The following PDE5A variants were observed in gnomAD, a reference collection of about 807,000 sequenced individuals.
The protein encoded by PDE5A is phosphodiesterase 5A, also known as cGMP-specific 3',5'-cyclic phosphodiesterase.
In PDE5A, 67 loss-of-function variants were observed where a neutral mutation model predicts 110.2. That is an observed-to-expected ratio of 0.61 (90% CI 0.50 to 0.75). PDE5A has a LOEUF of 0.75. PDE5A is among the 30% of genes least tolerant of loss of function. The pLI is 0.00. For missense variants in PDE5A, 862 were observed against 1,045.1 expected (o/e 0.82, Z 2.42); for synonymous variants, 328 against 351.2 (o/e 0.93, Z 0.74).
chr4:119,577,851 A>T (rs1383772791), intron 3 of PDE5A, among the ~76,000 whole-genome samples: 4 of 152,324 alleles, frequency 2.6e-5, no homozygotes, highest in African/African-American at 9.6e-5. Context: ...ATCAGGCAGG[A>T]GAAGGAAATA....
Position 119,627,235 on chromosome 4 carries a change from A to G in PDE5A, c.152+1285T>C. On this transcript the variant is annotated intron_variant, in intron 1 of 20. Transcript: ENST00000354960. The surrounding 1 kb of genome is among the most constrained non-coding windows in gnomAD (Gnocchi z 4.6). ...GATCCTGGACTCCAGGAGGCTCCGTAGGGGCAACAACGCGCGCAGGTGAGG... is the reference window on the plus strand; with the variant it reads ...GATCCTGGACTCCAGGAGGCTCCGTGGGGGCAACAACGCGCGCAGGTGAGG... 6.2e-7 allele frequency: 1 copy of G among 1,607,858 alleles called. No homozygotes were observed. The highest frequency in any genetic ancestry group is 1.1e-5 in the South Asian group (1 of 90,252).
Position 119,498,002 on chromosome 4 carries a change from T to A in PDE5A, c.*599A>T, listed in dbSNP as rs1390130759. 1.3e-5 allele frequency: 2 copies of A among 152,368 alleles called. No individual in the cohort carries two copies. Among genetic ancestry groups the A allele is most frequent in the African/African-American group, 4.8e-5 (2 of 41,594 alleles). 9.4% of individuals were successfully genotyped at this position (152,368 alleles called of 1,614,324 possible). A position where few individuals can be genotyped will look rare whatever the true frequency, so the allele number is the denominator to read the frequency against. ...TTGCCTGTTCTCTCACAAAACAGCA[T>A]ATCAATTAAATAATGTTTTCTTTAC... On this transcript the variant is annotated 3_prime_UTR_variant, in exon 21 of 21. Coordinates refer to ENST00000354960, the MANE Select transcript of PDE5A (RefSeq NM_001083.4).
intron 1 of PDE5A, among the ~76,000 whole-genome samples, chr4:119,624,881 G>C (rs1331332823): frequency 6.6e-6 from 1 of 152,186 alleles, no homozygotes; most frequent in East Asian, 1.9e-4. Context: ...AGTGACCTGG[G>C]AGTTTTCCAG....
At chr4:119,598,284 A>G (rs1291570351) in intron 2 of PDE5A, among the ~76,000 whole-genome samples, 2 of 152,180 alleles carry the variant, frequency 1.3e-5, no homozygotes, top group Non-Finnish European at 2.9e-5. Flanking sequence ...TTAGTTTAAA[A>G]TCAACAGCAG....
intron 2 of PDE5A, among the ~76,000 whole-genome samples, chr4:119,606,021 T>C (rs1003099293): frequency 2.6e-5 from 4 of 152,208 alleles, no homozygotes; most frequent in Admixed American, 2.0e-4. Flanking sequence ...AAAATTCCAT[T>C]AATAAAAAGG....
intron 3 of PDE5A, among the ~76,000 whole-genome samples, chr4:119,588,170 C>CTTT (rs11297755): frequency 5.4e-5 from 7 of 129,068 alleles, no homozygotes; most frequent in African/African-American, 8.5e-5. Flanking sequence ...CCAATTTTTT[C>CTTT]TTTTTTTTTT....
intron 1 of PDE5A, among the ~76,000 whole-genome samples, chr4:119,621,689 G>T (rs891871633): frequency 2.0e-5 from 3 of 152,146 alleles, no homozygotes; most frequent in Admixed American, 2.0e-4. Context: ...GAGACAGACA[G>T]AATTTTGGCA....
chr4:119,510,469 C>G (rs997702164), intron 15 of PDE5A, among the ~76,000 whole-genome samples: 14 of 151,958 alleles, frequency 9.2e-5, no homozygotes, highest in African/African-American at 3.4e-4. Context: ...ACCATCCCCC[C>G]CAAACAAAGA....
intron 3 of PDE5A, among the ~76,000 whole-genome samples, chr4:119,576,345 C>T (rs1728344415): frequency 6.6e-6 from 1 of 152,184 alleles, no homozygotes; most frequent in Admixed American, 6.5e-5. Context: ...ACCTAATAGA[C>T]ATCTACAGAA....
At chr4:119,551,718 G>A (rs1193902858) in intron 9 of PDE5A, among the ~76,000 whole-genome samples, 1 of 151,924 alleles carries the variant, frequency 6.6e-6, no homozygotes, top group Admixed American at 6.6e-5. Flanking sequence ...TATACCCTCT[G>A]CCCCTTCTTT....
chr4:119,554,382 C>G (rs1237847444), intron 7 of PDE5A, among the ~76,000 whole-genome samples: 1 of 151,966 alleles, frequency 6.6e-6, no homozygotes, highest in Admixed American at 6.6e-5. Flanking sequence ...TATGAACTTA[C>G]AATATTTTTA....
chr4:119,550,615 C>T (rs1727315505), intron 9 of PDE5A, among the ~76,000 whole-genome samples: 1 of 152,194 alleles, frequency 6.6e-6, no homozygotes, highest in Admixed American at 6.5e-5. Flanking sequence ...TCCCCGTTCC[C>T]AGTTATTATT....
chr4:119,518,478 G>A (rs1460350948), intron 14 of PDE5A, among the ~76,000 whole-genome samples: 1 of 152,178 alleles, frequency 6.6e-6, no homozygotes, highest in African/African-American at 2.4e-5. Flanking sequence ...TCTAGCATCT[G>A]CTTCTAATAT....
chr4:119,539,345 G>GTTT (rs200294926), intron 10 of PDE5A, among the ~76,000 whole-genome samples: 1 of 140,834 alleles, frequency 7.1e-6, no homozygotes, highest in East Asian at 2.0e-4. Flanking sequence ...AATTTATTTT[G>GTTT]TTTTTTTTTT....
intron 9 of PDE5A, among the ~76,000 whole-genome samples, chr4:119,545,749 C>T (rs1012542896): frequency 1.3e-5 from 2 of 152,302 alleles, no homozygotes; most frequent in Non-Finnish European, 2.9e-5. Flanking sequence ...CAGTCTTCCT[C>T]CTGGCTCTTT....
chr4:119,606,722 T>C lies in PDE5A; in HGVS notation c.728A>G (p.Lys243Arg), dbSNP rs202070622. The C allele has an allele frequency of 3.1e-6, 5 of 1,613,696 alleles. No individual in the cohort carries two copies. In the Admixed American group the frequency reaches 6.7e-5, roughly 22 times the overall value. ...TCCCCTGTTTACCTCATATGCATCTTTGATGTTCAAGGGCTCACCAAGCGC... is the reference window on the plus strand; with the variant it reads ...TCCCCTGTTTACCTCATATGCATCTCTGATGTTCAAGGGCTCACCAAGCGC... ...VAALGEPLNI[K>R]DAYEDPRFNA... The change falls in exon 2 of 21, where the codon AAA becomes AGA. Residue 243 changes from lysine (K) to arginine (R), a missense_variant. By Grantham distance (26) the Lys-to-Arg change is conservative. Coordinates refer to ENST00000354960, the MANE Select transcript of PDE5A (RefSeq NM_001083.4).
intron 3 of PDE5A, among the ~76,000 whole-genome samples, chr4:119,587,415 C>T (rs1474514364): frequency 4.0e-5 from 6 of 148,702 alleles, no homozygotes; most frequent in Non-Finnish European, 8.9e-5. Context: ...CTCGCTCTGT[C>T]GCCCAGGCCG....
chr4:119,585,916 C>A (rs552159981), intron 3 of PDE5A, among the ~76,000 whole-genome samples: 1 of 152,208 alleles, frequency 6.6e-6, no homozygotes, highest in South Asian at 2.1e-4. Context: ...ATGAAGAGCC[C>A]ACATGGTGAG....
At chr4:119,551,225 A>G (rs530736716) in intron 9 of PDE5A, among the ~76,000 whole-genome samples, 1 of 152,214 alleles carries the variant, frequency 6.6e-6, no homozygotes, top group Non-Finnish European at 1.5e-5. Flanking sequence ...GATCTGTCCC[A>G]GAAACAGAAG....
Sources: gnomAD v4.1 joint callset for allele counts (sites outside exome capture counted in the v4.1 genomes callset) on GRCh38, gnomAD v4.1.1 for gene constraint, Gnocchi (gnomAD v3.1) non-coding constraint, MANE v1.5 for transcripts, NCBI Gene and HGNC (gene_info 2026-07-23, HGNC 2026-07-21) for gene names.